USH2A: variants seen among roughly 807,000 people sequenced by gnomAD.
The protein encoded by USH2A is usherin, also known as Usher syndrome 2A (autosomal recessive, mild).
Under a neutral mutation model 538.9 loss-of-function variants are expected in USH2A, and 443 were observed. The observed-to-expected ratio is 0.82, with a 90% CI of 0.76 to 0.89. The LOEUF is 0.89. Among genes scored for constraint, USH2A ranks in the 40% least tolerant of loss-of-function variants. The pLI is 0.00. For synonymous variants in USH2A, 2,413 were observed against 2,273.5 expected (o/e 1.06, Z -1.75); for missense variants, 6,633 against 6,324.8 (o/e 1.05, Z -1.65).
At chr1:216,068,180 G>A (rs1008021147) in intron 30 of USH2A, among the ~76,000 whole-genome samples, 2 of 152,144 alleles carry the variant, frequency 1.3e-5, no homozygotes, top group Non-Finnish European at 2.9e-5. Flanking sequence ...TTTGGTGCTC[G>A]TCACGAAAGT....
At chr1:216,081,874 G>A (rs565334382) in intron 26 of USH2A, among the ~76,000 whole-genome samples, 1 of 152,032 alleles carries the variant, frequency 6.6e-6, no homozygotes, top group Non-Finnish European at 1.5e-5. Context: ...TGGAATTATA[G>A]GGGTGAGCCA....
At chr1:215,654,640 A>G (rs1241196264) in intron 64 of USH2A, among the ~76,000 whole-genome samples, 5 of 152,344 alleles carry the variant, frequency 3.3e-5, no homozygotes, top group Admixed American at 2.0e-4. Context: ...GAAAGTTACA[A>G]TGTAAAATGT....
chr1:216,214,667 T>C (rs1163881841), intron 15 of USH2A, among the ~76,000 whole-genome samples: 2 of 152,008 alleles, frequency 1.3e-5, no homozygotes, highest in South Asian at 2.1e-4. Context: ...TCAAACCATA[T>C]ACTTAAAATT....
rs772042469 is a variant in USH2A, at chr1:216,421,895, A to T, written c.442T>A (p.Phe148Ile). 11 of 1,613,980 alleles carry T rather than the reference A, an allele frequency of 6.8e-6. No individual in the cohort carries two copies. Among genetic ancestry groups the T allele is most frequent in the Non-Finnish European group, 9.3e-6 (11 of 1,179,922 alleles). ...SPPSPKLMAS[F>I]TLAVWLKPEQ... ...GGTTTCAGCCATACAGCTAAGGTAAATGATGCCATCAGCTTTGGAGAAGGA... is the reference window on the plus strand; with the variant it reads ...GGTTTCAGCCATACAGCTAAGGTAATTGATGCCATCAGCTTTGGAGAAGGA... The change falls in exon 2 of 72, where the codon TTT (phenylalanine) becomes ATT (isoleucine). Residue 148 changes from phenylalanine to isoleucine, a missense_variant. Coordinates refer to ENST00000307340, the MANE Select transcript of USH2A (RefSeq NM_206933.4).
At chr1:216,096,873 T>G (rs1017275155) in intron 22 of USH2A, among the ~76,000 whole-genome samples, 2 of 152,220 alleles carry the variant, frequency 1.3e-5, no homozygotes, top group African/African-American at 4.8e-5. Flanking sequence ...CAGACCATGA[T>G]GGTTTAAAAG....
At position 216,070,126 on chromosome 1, in the gene USH2A, T is replaced by G. The variant is rs369548469; in HGVS notation, c.6024A>C (p.Glu2008Asp). The G allele has an allele frequency of 6.2e-7, 1 of 1,613,880 alleles. No individual in the cohort carries two copies. The highest frequency in any genetic ancestry group is 1.3e-5 in the African/African-American group (1 of 74,910). The change falls in exon 30 of 72, where the codon GAA becomes GAC. Residue 2008 changes from glutamate to aspartate, a missense_variant. Coordinates refer to ENST00000307340, the MANE Select transcript of USH2A (RefSeq NM_206933.4). ...CTGTGAGGTTGCTTGTATTGACAAA[T>G]TCAGCACTGGCAGAGGGCATGCGGG... is the stretch of plus-strand genomic sequence containing the variant. ...RPPRMPSASAEFVNTSNLTGI... is the reference protein window; with the variant it reads ...RPPRMPSASADFVNTSNLTGI...
intron 3 of USH2A, among the ~76,000 whole-genome samples, chr1:216,370,573 G>A (rs2038690640): frequency 1.4e-5 from 2 of 147,660 alleles, no homozygotes; most frequent in South Asian, 4.3e-4. Flanking sequence ...CGGGCTACTC[G>A]GGAGGCTGAA....
intron 61 of USH2A, among the ~76,000 whole-genome samples, chr1:215,690,372 A>G (rs1658562032): frequency 6.6e-6 from 1 of 152,074 alleles, no homozygotes; most frequent in Non-Finnish European, 1.5e-5. Context: ...CTCCTCCCCA[A>G]ATCTTCACTT....
rs542495264 is a variant in USH2A at position 216,148,717 on chromosome 1, A to C, written c.4627+26535T>G. Among the ~76,000 whole-genome samples the C allele has an allele frequency of 3.2e-3, 486 of 151,824 alleles. 1 individual carries two copies. Among genetic ancestry groups the C allele is most frequent in the African/African-American group, 0.011 (459 of 41,330 alleles). On this transcript the variant is annotated intron_variant, in intron 21 of 71. Coordinates refer to ENST00000307340, the MANE Select transcript of USH2A (RefSeq NM_206933.4). The stretch of plus-strand genomic sequence containing the variant: ...TTATCAACCAAATTGTTTTGCCTAT[A>C]CACCCTGTGGTGCCAAACCCATATA...
intron 70 of USH2A, 59 bp downstream of exon 70, chr1:215,634,400 G>A: frequency 6.2e-7 from 1 of 1,612,754 alleles, no homozygotes; most frequent in African/African-American, 1.3e-5. Flanking sequence ...TTTCTCAGAA[G>A]GAAAACAAGT....
At chr1:216,130,590 T>A in intron 21 of USH2A, among the ~76,000 whole-genome samples, 1 of 146,320 alleles carries the variant, frequency 6.8e-6, no homozygotes, top group African/African-American at 2.5e-5. Flanking sequence ...ATAATACACA[T>A]TATATATCAT....
At chr1:215,731,763 A>G (rs1204829143) in intron 60 of USH2A, among the ~76,000 whole-genome samples, 1 of 152,190 alleles carries the variant, frequency 6.6e-6, no homozygotes, top group Non-Finnish European at 1.5e-5. Context: ...ACAAAATCCT[A>G]GAACCCAATG....
At chr1:215,726,935 G>A (rs531164332) in intron 61 of USH2A, among the ~76,000 whole-genome samples, 1 of 152,168 alleles carries the variant, frequency 6.6e-6, no homozygotes, top group South Asian at 2.1e-4. Context: ...TTCCCCTTAT[G>A]TGCAATTCTC....
intron 9 of USH2A, among the ~76,000 whole-genome samples, chr1:216,320,853 C>T (rs1413956244): frequency 2.6e-5 from 4 of 151,990 alleles, no homozygotes; most frequent in Admixed American, 6.6e-5. Flanking sequence ...CAAATATTTT[C>T]TATCAATCCA....
At chr1:216,139,752 A>G (rs1337644462) in intron 21 of USH2A, among the ~76,000 whole-genome samples, 1 of 152,140 alleles carries the variant, frequency 6.6e-6, no homozygotes, top group East Asian at 1.9e-4. Flanking sequence ...TTCATCTTCC[A>G]ATCTCATGCT....
chr1:215,877,228 T>C (rs151132325), intron 43 of USH2A, among the ~76,000 whole-genome samples: 124 of 152,274 alleles, frequency 8.1e-4, no homozygotes, highest in African/African-American at 2.6e-3. Flanking sequence ...AACTCTCCCA[T>C]GTAGCACCCT....
chr1:215,897,756 T>C (rs1387850008), intron 40 of USH2A, among the ~76,000 whole-genome samples: 2 of 136,788 alleles, frequency 1.5e-5, no homozygotes, highest in Admixed American at 1.4e-4. Flanking sequence ...AGAAAGAGAG[T>C]GAGAAAGAAA....
At chr1:215,802,136 A>T (rs1181088323) in intron 49 of USH2A, among the ~76,000 whole-genome samples, 1 of 152,082 alleles carries the variant, frequency 6.6e-6, no homozygotes, top group Non-Finnish European at 1.5e-5. Flanking sequence ...TGGATCAAAG[A>T]TCTAGATGTA....
At chr1:215,628,331 GGA>G (rs1485268726) in intron 71 of USH2A, among the ~76,000 whole-genome samples, 4 of 152,006 alleles carry the variant, frequency 2.6e-5, no homozygotes, top group Non-Finnish European at 5.9e-5. Context: ...CACCCAGGCT[GGA>G]GTGCAGTGGC....
Sources: gnomAD v4.1 joint callset for allele counts (sites outside exome capture counted in the v4.1 genomes callset) on GRCh38, gnomAD v4.1.1 for gene constraint, MANE v1.5 for transcripts, NCBI Gene and HGNC (gene_info 2026-07-23, HGNC 2026-07-21) for gene names.